Variants in INPP5A observed in about 807,000 individuals in gnomAD.
INPP5A encodes inositol polyphosphate-5-phosphatase A.
Under a neutral mutation model 65.2 loss-of-function variants are expected in INPP5A, and 14 were observed. The observed-to-expected ratio is 0.21, with a 90% CI of 0.14 to 0.34. INPP5A has a LOEUF of 0.34. Among genes scored for constraint, INPP5A ranks in the 10% least tolerant of loss-of-function variants. INPP5A has a pLI of 1.00. For missense variants in INPP5A, 431 were observed against 545.6 expected, an observed-to-expected ratio of 0.79 and a Z score of 2.09; for synonymous variants, 207 against 208.3, an observed-to-expected ratio of 0.99 and a Z score of 0.05.
chr10:132,645,293 G>T (rs1449885146), intron 2 of INPP5A, among the ~76,000 whole-genome samples: 2 of 152,234 alleles, frequency 1.3e-5, no homozygotes, highest in Non-Finnish European at 2.9e-5. Flanking sequence ...AAGTGGCCTT[G>T]CGTGAGTTGC....
intron 1 of INPP5A, among the ~76,000 whole-genome samples, chr10:132,596,267 C>T (rs2071686248): frequency 6.6e-6 from 1 of 152,112 alleles, no homozygotes; most frequent in Non-Finnish European, 1.5e-5. Context: ...CCAGTAAAGA[C>T]CAGTTTGGGC....
intron 11 of INPP5A, among the ~76,000 whole-genome samples, chr10:132,755,681 G>T (rs758699210): frequency 1.3e-5 from 2 of 152,012 alleles, no homozygotes; most frequent in African/African-American, 2.4e-5. Context: ...CATGTGAGTG[G>T]GTGTGTGTGG....
At chr10:132,769,092 A>C (rs1332367971) in intron 12 of INPP5A, among the ~76,000 whole-genome samples, 1 of 152,232 alleles carries the variant, frequency 6.6e-6, no homozygotes, top group Non-Finnish European at 1.5e-5. Flanking sequence ...TGACGCCAGG[A>C]AATGTGTCAT....
chr10:132,645,904 C>A lies in INPP5A; in HGVS notation c.154C>A (p.His52Asn). 6.2e-7 allele frequency: 1 copy of A among 1,614,078 alleles called. No individual in the cohort carries two copies. The highest frequency in any genetic ancestry group is 2.2e-5 in the East Asian group (1 of 44,882). Residue 52 changes from histidine (H) to asparagine (N), a missense_variant, in exon 3 of 16, where the codon CAC becomes AAC. Coordinates refer to ENST00000368594, the MANE Select transcript of INPP5A (RefSeq NM_005539.5). ...HTHKPHFMAL[H>N]CQEFGGKNYE... ...ACACAAGCCGCACTTCATGGCCTTGCACTGTCAGGAGTTTGGAGGGAAGAA... is the reference window on the plus strand; with the variant it reads ...ACACAAGCCGCACTTCATGGCCTTGAACTGTCAGGAGTTTGGAGGGAAGAA...
At chr10:132,611,914 G>GGTTATGAGTTC (rs2071960954) in intron 2 of INPP5A, among the ~76,000 whole-genome samples, 1 of 141,296 alleles carries the variant, frequency 7.1e-6, no homozygotes, top group Non-Finnish European at 1.5e-5. Flanking sequence ...GGGTGTGGGA[G>GGTTATGAGTTC]GTGAGGGGGG....
chr10:132,618,210 C>T (rs12242036), intron 2 of INPP5A, among the ~76,000 whole-genome samples: 3,069 of 151,914 alleles, frequency 0.02, 99 homozygotes, highest in African/African-American at 0.069. Flanking sequence ...AGGGAGAGAC[C>T]CAGTAAGATG....
chr10:132,750,174 G>A (rs564352784), intron 11 of INPP5A, among the ~76,000 whole-genome samples: 28 of 152,338 alleles, frequency 1.8e-4, no homozygotes, highest in South Asian at 2.1e-4. Flanking sequence ...GAGTGAACCG[G>A]CCGGGCCTCG....
At chr10:132,601,691 T>G (rs568050015) in intron 1 of INPP5A, among the ~76,000 whole-genome samples, 1 of 152,338 alleles carries the variant, frequency 6.6e-6, no homozygotes, top group Non-Finnish European at 1.5e-5. Flanking sequence ...CCAGTTTCAT[T>G]CTTTTGCATG....
Position 132,555,273 on chromosome 10 carries a change from C to T in INPP5A, c.75+17102C>T, listed in dbSNP as rs1329559957. Among the ~76,000 whole-genome samples, 3 of 151,978 alleles carry T rather than the reference C, an allele frequency of 2.0e-5. No individual in the cohort carries two copies. The highest frequency in any genetic ancestry group is 4.8e-5 in the African/African-American group (2 of 41,334). The stretch of plus-strand genomic sequence containing the variant: ...GTTCCTTCACCGTGCTGGGGAAGGG[C>T]GCTCCTGATCCCTCTGTGAGACCAG... On this transcript the variant is annotated intron_variant, in intron 1 of 15. Coordinates refer to ENST00000368594, the MANE Select transcript of INPP5A (RefSeq NM_005539.5). This position sits in a 1 kb window ranked among gnomAD's most constrained non-coding sequence, Gnocchi z 4.4.
intron 4 of INPP5A, among the ~76,000 whole-genome samples, chr10:132,666,124 G>A (rs1267140295): frequency 6.6e-6 from 1 of 151,488 alleles, no homozygotes; most frequent in Non-Finnish European, 1.5e-5. Flanking sequence ...TTAAAACTGA[G>A]TCACTGTGTG....
intron 1 of INPP5A, among the ~76,000 whole-genome samples, chr10:132,554,915 G>A (rs951298186): frequency 6.9e-6 from 1 of 144,014 alleles, no homozygotes; most frequent in African/African-American, 2.6e-5. Context: ...GTGGCATGGT[G>A]TGGGTGGCAT....
At chr10:132,739,600 G>T (rs1371588993) in intron 9 of INPP5A, among the ~76,000 whole-genome samples, 1 of 152,244 alleles carries the variant, frequency 6.6e-6, no homozygotes, top group Non-Finnish European at 1.5e-5. Context: ...CTCCCAGAGG[G>T]GGACGCAGCG....
chr10:132,554,305 G>T (rs991488757), intron 1 of INPP5A, among the ~76,000 whole-genome samples: 1 of 152,194 alleles, frequency 6.6e-6, no homozygotes, highest in Non-Finnish European at 1.5e-5. Context: ...CTGAGCTCCA[G>T]CAGGAGATGA....
chr10:132,570,321 C>T (rs558289530), intron 1 of INPP5A, among the ~76,000 whole-genome samples: 1 of 152,364 alleles, frequency 6.6e-6, no homozygotes, highest in African/African-American at 2.4e-5. Flanking sequence ...TTTGGGCTCA[C>T]TGTTAACTGT....
chr10:132,575,448 G>A lies in INPP5A; in HGVS notation c.76-32467G>A, dbSNP rs769725378. 1.3e-5 allele frequency among the ~76,000 whole-genome samples: 2 copies of A among 152,164 alleles called. No homozygotes were observed. Among genetic ancestry groups the A allele is most frequent in the Admixed American group, 6.5e-5 (1 of 15,284 alleles). Reference sequence around the variant, plus strand: ...CACCAGGCACCACAGGGGCCTGCACGTCACTGTCAGTCTGGTTAAACATCA... The same window carrying A: ...CACCAGGCACCACAGGGGCCTGCACATCACTGTCAGTCTGGTTAAACATCA... On this transcript the variant is annotated intron_variant, in intron 1 of 15. Coordinates refer to ENST00000368594, the MANE Select transcript of INPP5A (RefSeq NM_005539.5). The surrounding 1 kb of genome is among the most constrained non-coding windows in gnomAD (Gnocchi z 5.4).
At chr10:132,768,534 G>A (rs1189043107) in intron 12 of INPP5A, among the ~76,000 whole-genome samples, 1 of 152,244 alleles carries the variant, frequency 6.6e-6, no homozygotes, top group African/African-American at 2.4e-5. Context: ...GAGTGCCTCT[G>A]CGTGCCAGGC....
Position 132,551,301 on chromosome 10 carries a change from G to T in INPP5A, c.75+13130G>T, listed in dbSNP as rs2071045896. ...ACATGGATGAGCCTGCGAGTGTGAAGCTGAGAACTGGGTTGACTGCCTGCT... is the reference window on the plus strand; with the variant it reads ...ACATGGATGAGCCTGCGAGTGTGAATCTGAGAACTGGGTTGACTGCCTGCT... On this transcript the variant is annotated intron_variant, in intron 1 of 15. Transcript: ENST00000368594. This position sits in a 1 kb window ranked among gnomAD's most constrained non-coding sequence, Gnocchi z 5.3. Among the ~76,000 whole-genome samples the T allele has an allele frequency of 6.6e-6, 1 of 152,236 alleles. No homozygotes were observed. The highest frequency in any genetic ancestry group is 1.5e-5 in the Non-Finnish European group (1 of 68,030).
intron 1 of INPP5A, among the ~76,000 whole-genome samples, chr10:132,596,344 CACATGT>C (rs1349884421): frequency 6.6e-5 from 10 of 152,224 alleles, no homozygotes; most frequent in African/African-American, 2.2e-4. Context: ...AAGCTTCTGG[CACATGT>C]ACATTCAAAA....
At chr10:132,780,067 G>A (rs376893776) in intron 13 of INPP5A, among the ~76,000 whole-genome samples, 13 of 152,258 alleles carry the variant, frequency 8.5e-5, no homozygotes, top group East Asian at 7.7e-4. Flanking sequence ...TCATGCATGC[G>A]GTGCCGAAGC....
Sources: allele counts gnomAD v4.1 joint callset (sites outside exome capture counted in the v4.1 genomes callset), GRCh38; gene constraint gnomAD v4.1.1; non-coding constraint Gnocchi (gnomAD v3.1); transcripts MANE v1.5; gene names NCBI Gene and HGNC (gene_info 2026-07-23, HGNC 2026-07-21).